HCN1: variants seen among roughly 807,000 people sequenced by gnomAD.
HCN1 encodes the protein potassium/sodium hyperpolarization-activated cyclic nucleotide-gated channel 1.
HCN1 carries 13 observed loss-of-function variants against 78.9 expected under a neutral mutation model. The ratio of observed to expected loss-of-function variants is 0.16; its 90% CI spans 0.11 to 0.26. The LOEUF is 0.26. Among genes scored for constraint, HCN1 ranks in the 10% least tolerant of loss-of-function variants. The probability of loss-of-function intolerance (pLI) is 1.00; values close to 1 mark genes in which losing one functional copy is unlikely to be tolerated. For synonymous variants in HCN1, 552 were observed against 455.5 expected, an observed-to-expected ratio of 1.21 and a Z score of -2.70; for missense variants, 810 against 1,154.3, an observed-to-expected ratio of 0.70 and a Z score of 4.32.
At chr5:45,393,285 T>G (rs1412045931) in intron 4 of HCN1, among the ~76,000 whole-genome samples, 1 of 152,160 alleles carries the variant, frequency 6.6e-6, no homozygotes. Context: ...GAGGAAGAAG[T>G]GAACACATAA....
intron 2 of HCN1, among the ~76,000 whole-genome samples, chr5:45,515,986 C>A (rs1742510723): frequency 6.6e-6 from 1 of 151,970 alleles, no homozygotes; most frequent in East Asian, 1.9e-4. Context: ...TGTATACATG[C>A]ATGTCAACTT....
intron 2 of HCN1, among the ~76,000 whole-genome samples, chr5:45,496,541 G>C (rs566564707): frequency 6.6e-6 from 1 of 152,050 alleles, no homozygotes; most frequent in Non-Finnish European, 1.5e-5. Context: ...CTGTGGGATC[G>C]GTGGTGATAT....
intron 4 of HCN1, 44 bp from the exon 5 acceptor site, chr5:45,353,290 G>A: frequency 7.3e-7 from 1 of 1,377,704 alleles, no homozygotes; most frequent in African/African-American, 1.4e-5. Context: ...CATTGTTAGG[G>A]TGTATCAGAA....
chr5:45,656,233 G>A (rs765428012), intron 1 of HCN1, among the ~76,000 whole-genome samples: 10 of 152,066 alleles, frequency 6.6e-5, no homozygotes, highest in East Asian at 3.9e-4. Context: ...AAGGAGTTCC[G>A]GGGGTTGCAT....
In HCN1 at chr5:45,383,722, C is replaced by CAA. The variant is rs35225342; in HGVS notation, c.1230+12768_1230+12769dup. On this transcript the variant is annotated intron_variant, in intron 4 of 7. Coordinates refer to ENST00000303230, the MANE Select transcript of HCN1 (RefSeq NM_021072.4). ...AGGGTGACAGAGACAGATTCTGTTT[C>CAA]AAAAAAAAAAAATCCATGAAGAAAT... Among the ~76,000 whole-genome samples, 150 of 140,314 alleles carry CAA rather than the reference C, an allele frequency of 1.1e-3. 1 individual carries two copies. Among genetic ancestry groups the CAA allele is most frequent in the African/African-American group, 2.8e-3 (109 of 39,008 alleles). 92.1% of individuals were successfully genotyped at this position (140,314 alleles called of 152,430 possible). A position where few individuals can be genotyped will look rare whatever the true frequency, so the allele number is the denominator to read the frequency against.
chr5:45,594,419 A>G (rs1244439895), intron 2 of HCN1, among the ~76,000 whole-genome samples: 1 of 152,210 alleles, frequency 6.6e-6, no homozygotes, highest in African/African-American at 2.4e-5. Context: ...CTGAATGAAA[A>G]GAGCCCTGAA....
intron 5 of HCN1, among the ~76,000 whole-genome samples, chr5:45,306,549 A>T (rs1436458320): frequency 6.6e-6 from 1 of 152,144 alleles, no homozygotes; most frequent in African/African-American, 2.4e-5. Flanking sequence ...GATAGAAAAA[A>T]TGGTAATGAG....
intron 6 of HCN1, among the ~76,000 whole-genome samples, chr5:45,288,303 C>T (rs1745307281): frequency 1.3e-5 from 2 of 152,042 alleles, no homozygotes; most frequent in South Asian, 4.1e-4. Context: ...TGAAAACACT[C>T]ACAGTGATAA....
chr5:45,360,740 C>A (rs575686539), intron 4 of HCN1, among the ~76,000 whole-genome samples: 2 of 152,038 alleles, frequency 1.3e-5, no homozygotes, highest in Admixed American at 6.6e-5. Flanking sequence ...AACATGAAAT[C>A]TTCCTGAATT....
At chr5:45,490,631 G>A (rs1029536517) in intron 2 of HCN1, among the ~76,000 whole-genome samples, 3 of 152,034 alleles carry the variant, frequency 2.0e-5, no homozygotes, top group Non-Finnish European at 4.4e-5. Context: ...TAAAGTGTTT[G>A]ACCAACTTTT....
intron 4 of HCN1, among the ~76,000 whole-genome samples, chr5:45,361,377 G>A (rs1217756796): frequency 6.6e-6 from 1 of 151,728 alleles, no homozygotes; most frequent in African/African-American, 2.4e-5. Flanking sequence ...ATTTCACCAT[G>A]TTGGTCAGAC....
chr5:45,468,592 T>A (rs1038225009), intron 2 of HCN1, among the ~76,000 whole-genome samples: 1 of 152,092 alleles, frequency 6.6e-6, no homozygotes, highest in African/African-American at 2.4e-5. Context: ...ATACATATTT[T>A]TTGCATAGAA....
At chr5:45,343,603 C>T (rs1334738581) in intron 5 of HCN1, among the ~76,000 whole-genome samples, 1 of 152,016 alleles carries the variant, frequency 6.6e-6, no homozygotes, top group African/African-American at 2.4e-5. Flanking sequence ...AAAGAATGTA[C>T]AGAGAGACTT....
intron 4 of HCN1, among the ~76,000 whole-genome samples, chr5:45,359,566 CT>C (rs536742990): frequency 6.6e-6 from 1 of 151,522 alleles, no homozygotes; most frequent in African/African-American, 2.4e-5. Context: ...AAAGTTAATA[CT>C]TTTTTTTAAA....
intron 4 of HCN1, among the ~76,000 whole-genome samples, chr5:45,387,521 T>C (rs559552976): frequency 1.3e-5 from 2 of 152,230 alleles, no homozygotes; most frequent in East Asian, 3.9e-4. Flanking sequence ...TTAACTAATG[T>C]TTTACTTAGG....
intron 6 of HCN1, among the ~76,000 whole-genome samples, chr5:45,281,239 C>T (rs185958283): frequency 6.6e-6 from 1 of 151,944 alleles, no homozygotes; most frequent in East Asian, 1.9e-4. Flanking sequence ...GTGGATTTCC[C>T]CCTTGCTGTT....
intron 6 of HCN1, among the ~76,000 whole-genome samples, chr5:45,269,282 T>C (rs1744916664): frequency 1.3e-5 from 2 of 152,244 alleles, no homozygotes; most frequent in Non-Finnish European, 2.9e-5. Context: ...TACACTTTAA[T>C]GAATTATATG....
At chr5:45,360,773 G>GA (rs1304386920) in intron 4 of HCN1, among the ~76,000 whole-genome samples, 18 of 151,928 alleles carry the variant, frequency 1.2e-4, no homozygotes, top group African/African-American at 4.1e-4. Context: ...AAATGAATGG[G>GA]AAAAAACTAA....
intron 5 of HCN1, among the ~76,000 whole-genome samples, chr5:45,319,703 T>C (rs1746082486): frequency 6.6e-6 from 1 of 151,778 alleles, no homozygotes; most frequent in Non-Finnish European, 1.5e-5. Flanking sequence ...CTGGTTTTTT[T>C]TTTAGCTTTA....
Sources: allele counts gnomAD v4.1 joint callset (sites outside exome capture counted in the v4.1 genomes callset), GRCh38; gene constraint gnomAD v4.1.1; transcripts MANE v1.5; gene names NCBI Gene and HGNC (gene_info 2026-07-23, HGNC 2026-07-21).